CACNA1E: variants seen among roughly 807,000 people sequenced by gnomAD.
CACNA1E encodes voltage-dependent R-type calcium channel subunit alpha-1E.
In CACNA1E, 40 loss-of-function variants were observed where a neutral mutation model predicts 259.2. That is an observed-to-expected ratio of 0.15 (90% CI 0.12 to 0.20). The LOEUF is 0.20. CACNA1E is among the 10% of genes least tolerant of loss of function. CACNA1E has a pLI of 1.00. For missense variants in CACNA1E, 1,874 were observed against 3,040.1 expected (o/e 0.62, Z 9.02); for synonymous variants, 1,104 against 1,138.5 (o/e 0.97, Z 0.61).
intron 1 of CACNA1E, among the ~76,000 whole-genome samples, chr1:181,352,563 A>G (rs921368964): frequency 9.8e-5 from 15 of 152,356 alleles, no homozygotes; most frequent in Non-Finnish European, 1.8e-4. Flanking sequence ...CTGAAGTTAA[A>G]CAAGAATAAA....
At chr1:181,724,702 G>T (rs997314663) in intron 17 of CACNA1E, among the ~76,000 whole-genome samples, 165 bp downstream of exon 17, 1 of 152,216 alleles carries the variant, frequency 6.6e-6, no homozygotes, top group Non-Finnish European at 1.5e-5. Flanking sequence ...ATGACGGAAG[G>T]CTGGTTCACT....
At chr1:181,459,744 T>C (rs1661683456) in intron 2 of CACNA1E, among the ~76,000 whole-genome samples, 1 of 152,138 alleles carries the variant, frequency 6.6e-6, no homozygotes, top group African/African-American at 2.4e-5. Context: ...CTTCACCTCA[T>C]GAAGGTGTAC....
chr1:181,505,395 G>A (rs113237263), intron 1 of CACNA1E, among the ~76,000 whole-genome samples: 7,616 of 151,330 alleles, frequency 0.05, 615 homozygotes, highest in African/African-American at 0.17. Flanking sequence ...TTTTTGAGAC[G>A]GAGTCTTGCT....
intron 7 of CACNA1E, among the ~76,000 whole-genome samples, chr1:181,704,657 A>G (rs1652615933): frequency 6.6e-6 from 1 of 152,110 alleles, no homozygotes; most frequent in Non-Finnish European, 1.5e-5. Flanking sequence ...TGTGTGATGA[A>G]GCATGCAAGT....
intron 1 of CACNA1E, among the ~76,000 whole-genome samples, chr1:181,349,384 G>C (rs759075408): frequency 6.6e-6 from 1 of 152,220 alleles, no homozygotes; most frequent in Non-Finnish European, 1.5e-5. Context: ...CCCCAGTCTT[G>C]TTGGGAAGAA....
chr1:181,459,291 A>G (rs1293609216), intron 2 of CACNA1E, among the ~76,000 whole-genome samples: 1 of 152,244 alleles, frequency 6.6e-6, no homozygotes, highest in Non-Finnish European at 1.5e-5. Flanking sequence ...AGGGCAGTTG[A>G]GATAGGTGAG....
intron 6 of CACNA1E, among the ~76,000 whole-genome samples, chr1:181,633,850 C>T (rs752560565): frequency 2.6e-5 from 4 of 152,198 alleles, no homozygotes; most frequent in Admixed American, 1.3e-4. Flanking sequence ...AATTATCATT[C>T]CCATTGTACA....
At chr1:181,771,472 A>G in intron 36 of CACNA1E, 88 bp downstream of exon 36, 1 of 747,794 alleles carries the variant, frequency 1.3e-6, no homozygotes, top group Non-Finnish European at 2.4e-6. Context: ...TTCCCTTTGT[A>G]TCTTTATTCC....
chr1:181,471,832 T>A (rs905980661), intron 2 of CACNA1E, among the ~76,000 whole-genome samples: 4 of 152,118 alleles, frequency 2.6e-5, no homozygotes, highest in African/African-American at 9.7e-5. Context: ...ACACTCTGTG[T>A]TTACAAAGAA....
chr1:181,651,237 C>T, intron 6 of CACNA1E, 101 bp from the exon 7 acceptor site: 3 of 751,858 alleles, frequency 4.0e-6, no homozygotes, highest in Non-Finnish European at 6.9e-6. Context: ...AACTGTATTG[C>T]ATTGTGGTTT....
chr1:181,485,627 G>C lies in CACNA1E; in HGVS notation c.266+1617G>C, dbSNP rs562123985. ...AGGTTTCGGGCGGGGGAGGGGTCGG[G>C]TCCCTGCAGTCACGCCTGCCGGTGC... On this transcript the variant is annotated intron_variant, in intron 1 of 47. Transcript: ENST00000367573. This position sits in a 1 kb window ranked among gnomAD's most constrained non-coding sequence, Gnocchi z 4.2. 1.1e-3 allele frequency among the ~76,000 whole-genome samples: 167 copies of C among 152,270 alleles called. 1 individual carries two copies. The highest frequency in any genetic ancestry group is 1.2e-3 in the Non-Finnish European group (79 of 68,016).
rs77627421 is a variant in CACNA1E, at chr1:181,342,253, G to A, written c.-15+24130G>A. On this transcript the variant is annotated intron_variant, in intron 1 of 11. Transcript: ENST00000524607. ...GGGCAAGGGGACAAGGGGAAGAAGA[G>A]GAGGTCAGAGGAGGAAGCATAGCCT... 5.4e-3 allele frequency among the ~76,000 whole-genome samples: 817 copies of A among 152,282 alleles called. 9 individuals are homozygous for A. The highest frequency in any genetic ancestry group is 0.018 in the African/African-American group (743 of 41,564).
chr1:181,767,553 G>C (rs1237189981), intron 35 of CACNA1E, among the ~76,000 whole-genome samples: 2 of 152,228 alleles, frequency 1.3e-5, no homozygotes, highest in Non-Finnish European at 2.9e-5. Context: ...GCTGCTGCTG[G>C]AGTGTCCCAG....
chr1:181,592,487 G>GACCC (rs1047397767), intron 6 of CACNA1E, among the ~76,000 whole-genome samples: 2 of 119,724 alleles, frequency 1.7e-5, no homozygotes, highest in African/African-American at 6.3e-5. Flanking sequence ...CTCCTCCAGT[G>GACCC]ACCGGTGGGG....
intron 34 of CACNA1E, among the ~76,000 whole-genome samples, chr1:181,764,537 T>C (rs1036288487): frequency 2.0e-5 from 3 of 152,224 alleles, no homozygotes; most frequent in Non-Finnish European, 2.9e-5. Context: ...TACTTCTTCA[T>C]CGAGGACCTG....
Position 181,807,613 on chromosome 1 carries a change from C to CT in CACNA1E, c.*8783dup, listed in dbSNP as rs1662720157. The stretch of plus-strand genomic sequence containing the variant: ...GTTAATTATTTTAATCTGAGCAACG[C>CT]TTTTATCAATTAGATAGAAACCAGC... On this transcript the variant is annotated 3_prime_UTR_variant, in exon 48 of 48. Transcript: ENST00000367573. 1 of 151,758 alleles carries CT rather than the reference C, an allele frequency of 6.6e-6. No individual in the cohort carries two copies. The highest frequency in any genetic ancestry group is 2.4e-5 in the African/African-American group (1 of 41,296). The allele number at this position is 151,758 out of a possible 1,614,324, so 9.4% of individuals were successfully genotyped here.
At chr1:181,321,913 C>T (rs939162696) in intron 1 of CACNA1E, among the ~76,000 whole-genome samples, 1 of 152,182 alleles carries the variant, frequency 6.6e-6, no homozygotes, top group African/African-American at 2.4e-5. Flanking sequence ...TTTCTAGCTT[C>T]AGCAGTCCCA....
intron 7 of CACNA1E, among the ~76,000 whole-genome samples, chr1:181,678,308 T>A (rs1649577676): frequency 1.3e-5 from 2 of 152,186 alleles, no homozygotes; most frequent in South Asian, 4.1e-4. Flanking sequence ...TCAGGATGCA[T>A]GTTATTTTTT....
intron 1 of CACNA1E, among the ~76,000 whole-genome samples, chr1:181,379,662 C>A (rs1272578903): frequency 1.3e-5 from 2 of 152,106 alleles, no homozygotes. Flanking sequence ...TCTCTGGGAT[C>A]TCTTTTATAA....
Sources: gnomAD v4.1 joint callset for allele counts (sites outside exome capture counted in the v4.1 genomes callset) on GRCh38, gnomAD v4.1.1 for gene constraint, Gnocchi (gnomAD v3.1) non-coding constraint, MANE v1.5 for transcripts, NCBI Gene and HGNC (gene_info 2026-07-23, HGNC 2026-07-21) for gene names.